COL22A1: variants seen among roughly 807,000 people sequenced by gnomAD.
COL22A1 encodes the protein collagen alpha-1(XXII) chain.
Under a neutral mutation model 248.9 loss-of-function variants are expected in COL22A1, and 221 were observed. That is an observed-to-expected ratio of 0.89 (90% CI 0.80 to 0.99). The LOEUF is 0.99. Among genes scored for constraint, COL22A1 ranks in the 50% least tolerant of loss-of-function variants. The probability of loss-of-function intolerance (pLI) is 0.00; values close to 1 mark genes in which losing one functional copy is unlikely to be tolerated. For synonymous variants in COL22A1, 891 were observed against 793.4 expected (o/e 1.12, Z -2.07); for missense variants, 2,240 against 2,179.0 (o/e 1.03, Z -0.56).
intron 13 of COL22A1, 118 bp from the exon 14 acceptor site, chr8:138,779,680 C>A: frequency 1.5e-6 from 1 of 680,340 alleles, no homozygotes; most frequent in South Asian, 1.8e-5. Context: ...ATCACAGAAA[C>A]AAGGTAGCCA....
intron 4 of COL22A1, among the ~76,000 whole-genome samples, chr8:138,833,704 T>G (rs1352074529): frequency 2.0e-5 from 3 of 152,220 alleles, no homozygotes; most frequent in African/African-American, 7.2e-5. Context: ...TTTTGCTTTG[T>G]TTTTCCTTAG....
chr8:138,766,759 G>A (rs982295305), intron 16 of COL22A1, among the ~76,000 whole-genome samples: 2 of 152,198 alleles, frequency 1.3e-5, no homozygotes, highest in Non-Finnish European at 2.9e-5. Context: ...GCGGTCTCAA[G>A]CTGAAATGCC....
intron 3 of COL22A1, among the ~76,000 whole-genome samples, chr8:138,865,570 T>C (rs542066380): frequency 6.6e-6 from 1 of 151,710 alleles, no homozygotes; most frequent in South Asian, 2.1e-4. Flanking sequence ...TGTGTGTGTA[T>C]GTATGCCTGT....
Position 138,627,685 on chromosome 8 carries a change from C to T in COL22A1, c.3664-1442G>A, listed in dbSNP as rs533164359. 3.9e-5 allele frequency among the ~76,000 whole-genome samples: 6 copies of T among 152,308 alleles called. No homozygotes were observed. In the South Asian group the frequency reaches 1.0e-3, roughly 26 times the overall value. On this transcript the variant is annotated intron_variant, in intron 50 of 64. Transcript: ENST00000303045. ...CCCCATTATAAACCAGCCTCCCCAT[C>T]CTCTCCAAAAACCCAGGCCTGGTCA...
intron 5 of COL22A1, among the ~76,000 whole-genome samples, chr8:138,830,361 T>C (rs1429567286): frequency 2.6e-5 from 4 of 152,124 alleles, no homozygotes; most frequent in African/African-American, 9.7e-5. Flanking sequence ...TGAGAAAAAA[T>C]GTAAATATTA....
intron 47 of COL22A1, among the ~76,000 whole-genome samples, chr8:138,641,161 G>C (rs1821657480): frequency 6.6e-6 from 1 of 152,202 alleles, no homozygotes; most frequent in Non-Finnish European, 1.5e-5. Flanking sequence ...AGAATTTTCT[G>C]CTCTAGGAAA....
intron 48 of COL22A1, 21 bp downstream of exon 48, chr8:138,636,721 C>T (rs1451092568): frequency 6.3e-7 from 1 of 1,595,168 alleles, no homozygotes; most frequent in Non-Finnish European, 8.6e-7. Context: ...GTGAATGGTT[C>T]CTTATAAAGT....
chr8:138,657,166 G>A (rs936730021), intron 44 of COL22A1, among the ~76,000 whole-genome samples: 2 of 152,180 alleles, frequency 1.3e-5, no homozygotes, highest in Non-Finnish European at 2.9e-5. Context: ...CCGCACTGCA[G>A]TGAAAGCTCA....
intron 4 of COL22A1, among the ~76,000 whole-genome samples, chr8:138,843,122 C>T (rs1336904780): frequency 1.3e-5 from 2 of 152,120 alleles, no homozygotes; most frequent in African/African-American, 2.4e-5. Flanking sequence ...GGGGGGTGCT[C>T]ACTCCCTGGC....
In COL22A1 at chr8:138,596,967, C is replaced by T. The variant is rs774446572; in HGVS notation, c.4369G>A (p.Glu1457Lys). The T allele has an allele frequency of 6.8e-6, 11 of 1,613,586 alleles. No homozygotes were observed. In the South Asian group the frequency reaches 1.1e-4, roughly 16 times the overall value. ...CGCAGGGTTTCCATGGATGGAGACT[C>T]CCCCTAGGAGGGAGGGAAGGTGGAG... ...GQPGFPGLRG[E>K]SPSMETLRRL... The change falls in exon 62 of 65, where the codon GAG becomes AAG. Residue 1457 changes from glutamate to lysine, a missense_variant. Coordinates refer to ENST00000303045, the MANE Select transcript of COL22A1 (RefSeq NM_152888.3).
At chr8:138,618,892 A>G (rs1214287919) in intron 53 of COL22A1, among the ~76,000 whole-genome samples, 1 of 152,232 alleles carries the variant, frequency 6.6e-6, no homozygotes, top group Admixed American at 6.5e-5. Flanking sequence ...TTATATGTAT[A>G]ATAGCTAGAC....
chr8:138,606,322 A>C, intron 58 of COL22A1, 59 bp downstream of exon 58: 1 of 1,437,856 alleles, frequency 7.0e-7, no homozygotes, highest in Non-Finnish European at 9.7e-7. Flanking sequence ...AAGGTACTGC[A>C]TGTGAACATC....
In COL22A1 at chr8:138,636,756, G is replaced by A; in HGVS notation, c.3541C>T (p.Gln1181Ter). The A allele has an allele frequency of 1.2e-6, 2 of 1,613,200 alleles. No individual in the cohort carries two copies. Among genetic ancestry groups the A allele is most frequent in the Non-Finnish European group, 1.7e-6 (2 of 1,179,340 alleles). ...GERGADGEVG[Q>*]KGDQGHPGVP... is the part of the protein sequence containing the mutation. ...TAAATTTTTACCTGATCACCTTTCT[G>A]CCCAACCTCACCATCTGCACCACGT... Residue 1181 changes from glutamine (Q) to a stop codon, truncating the protein, a stop_gained, in exon 48 of 65, where the codon CAG becomes TAG. Coordinates refer to ENST00000303045, the MANE Select transcript of COL22A1 (RefSeq NM_152888.3). LOFTEE classifies it high-confidence loss of function.
intron 52 of COL22A1, among the ~76,000 whole-genome samples, chr8:138,622,022 AAAG>A (rs1819850714): frequency 1.3e-5 from 2 of 152,248 alleles, no homozygotes; most frequent in African/African-American, 2.4e-5. Context: ...GTAAAATGAT[AAAG>A]AAGGTGCTTC....
intron 3 of COL22A1, among the ~76,000 whole-genome samples, chr8:138,849,075 G>C (rs939883028): frequency 2.0e-5 from 3 of 152,188 alleles, no homozygotes; most frequent in African/African-American, 7.2e-5. Context: ...GCTGCTCCGA[G>C]GCCAGCCAAG....
At chr8:138,589,472 G>C (rs1004683079) in intron 64 of COL22A1, 32 bp from the exon 65 acceptor site, 1 of 1,462,370 alleles carries the variant, frequency 6.8e-7, no homozygotes, top group African/African-American at 1.4e-5. Context: ...ACAGAAGGTG[G>C]TTCAAGATCC....
At chr8:138,793,159 C>A (rs1161202939) in intron 12 of COL22A1, among the ~76,000 whole-genome samples, 1 of 152,212 alleles carries the variant, frequency 6.6e-6, no homozygotes, top group African/African-American at 2.4e-5. Context: ...GAGCTCTGGT[C>A]TACCCAATAC....
chr8:138,664,192 GGTGC>G (rs1405520219), intron 41 of COL22A1, among the ~76,000 whole-genome samples: 1 of 85,024 alleles, frequency 1.2e-5, no homozygotes, highest in South Asian at 5.8e-4. Flanking sequence ...TCCAACAAGG[GGTGC>G]GCGCGCGCGC....
intron 6 of COL22A1, among the ~76,000 whole-genome samples, 153 bp downstream of exon 6, chr8:138,826,505 C>T (rs1819591818): frequency 6.6e-6 from 1 of 152,166 alleles, no homozygotes; most frequent in African/African-American, 2.4e-5. Flanking sequence ...GACATCCCCC[C>T]TGCAGGTCCT....
Sources: allele counts gnomAD v4.1 joint callset (sites outside exome capture counted in the v4.1 genomes callset), GRCh38; gene constraint gnomAD v4.1.1; transcripts MANE v1.5; gene names NCBI Gene and HGNC (gene_info 2026-07-23, HGNC 2026-07-21).